The following SLC14A2 variants were observed in gnomAD, a reference collection of about 807,000 sequenced individuals.
The protein encoded by SLC14A2 is urea transporter 2.
Under a neutral mutation model 104.6 loss-of-function variants are expected in SLC14A2, and 91 were observed. The observed-to-expected ratio is 0.87, with a 90% confidence interval of 0.73 to 1.04. SLC14A2 has a LOEUF of 1.04. SLC14A2 is among the 50% of genes least tolerant of loss of function. The pLI is 0.00. For missense variants in SLC14A2, 1,189 were observed against 1,156.0 expected (o/e 1.03, Z -0.41); for synonymous variants, 476 against 466.4 (o/e 1.02, Z -0.27).
chr18:45,253,663 C>T (rs1392379828), intron 1 of SLC14A2, among the ~76,000 whole-genome samples: 1 of 152,088 alleles, frequency 6.6e-6, no homozygotes, highest in East Asian at 1.9e-4. Context: ...TATGAATATA[C>T]TTCCCTCTCC....
intron 1 of SLC14A2, among the ~76,000 whole-genome samples, chr18:45,473,912 A>G (rs1046541877): frequency 3.9e-5 from 6 of 152,116 alleles, no homozygotes; most frequent in Non-Finnish European, 8.8e-5. Flanking sequence ...TTCCAATACT[A>G]TGTTGAATAG....
intron 1 of SLC14A2, among the ~76,000 whole-genome samples, chr18:45,465,616 C>T (rs1470654320): frequency 6.6e-6 from 1 of 152,184 alleles, no homozygotes; most frequent in African/African-American, 2.4e-5. Flanking sequence ...TTCTCCTCCT[C>T]CCTTCCTCAG....
At chr18:45,390,062 G>C (rs550405544) in intron 1 of SLC14A2, among the ~76,000 whole-genome samples, 2 of 152,262 alleles carry the variant, frequency 1.3e-5, no homozygotes, top group South Asian at 4.1e-4. Context: ...TGGTATTTGG[G>C]GGAGAATTTG....
intron 1 of SLC14A2, among the ~76,000 whole-genome samples, chr18:45,315,725 A>C (rs1189114573): frequency 6.6e-6 from 1 of 151,894 alleles, no homozygotes; most frequent in Non-Finnish European, 1.5e-5. Flanking sequence ...TGGTCCACAA[A>C]CCCTCCACTA....
intron 1 of SLC14A2, among the ~76,000 whole-genome samples, chr18:45,481,989 T>C (rs2087502767): frequency 6.6e-6 from 1 of 152,180 alleles, no homozygotes; most frequent in Non-Finnish European, 1.5e-5. Context: ...GGTTTCTAAC[T>C]GGTTTTCATG....
chr18:45,506,916 T>C (rs1215916205), intron 2 of SLC14A2, among the ~76,000 whole-genome samples: 5 of 152,176 alleles, frequency 3.3e-5, no homozygotes, highest in African/African-American at 1.2e-4. Flanking sequence ...AGGACCTGAC[T>C]TTCCTCCCCT....
chr18:45,625,630 C>T (rs890720178), intron 2 of SLC14A2, 53 bp from the exon 3 acceptor site: 2 of 1,441,702 alleles, frequency 1.4e-6, no homozygotes, highest in Non-Finnish European at 9.3e-7. Flanking sequence ...CCCCAAATGT[C>T]CCTGCTCTCA....
At chr18:45,266,952 A>G (rs1402779835) in intron 1 of SLC14A2, among the ~76,000 whole-genome samples, 2 of 152,130 alleles carry the variant, frequency 1.3e-5, no homozygotes, top group African/African-American at 4.8e-5. Context: ...GGGCAGTGAC[A>G]CGTCTCCTCA....
intron 2 of SLC14A2, among the ~76,000 whole-genome samples, chr18:45,556,718 A>G (rs181192801): frequency 1.7e-4 from 26 of 152,332 alleles, no homozygotes; most frequent in Non-Finnish European, 3.2e-4. Flanking sequence ...TACAATTTAT[A>G]TTTATCTACC....
intron 2 of SLC14A2, among the ~76,000 whole-genome samples, chr18:45,577,204 G>T (rs1400000611): frequency 8.7e-6 from 1 of 114,430 alleles, no homozygotes; most frequent in African/African-American, 3.5e-5. Context: ...AGACATCAAA[G>T]CATCAAAATA....
chr18:45,590,070 C>T (rs1211725355), intron 2 of SLC14A2, among the ~76,000 whole-genome samples: 2 of 152,164 alleles, frequency 1.3e-5, no homozygotes, highest in African/African-American at 4.8e-5. Flanking sequence ...TGCTTCAGAG[C>T]GCATGAGACT....
intron 1 of SLC14A2, among the ~76,000 whole-genome samples, chr18:45,402,027 T>C (rs1044096646): frequency 1.3e-5 from 2 of 152,184 alleles, no homozygotes; most frequent in African/African-American, 4.8e-5. Context: ...AGTTGCTTTG[T>C]AAAATCTGCC....
chr18:45,621,993 G>A (rs1288073320), intron 1 of SLC14A2, among the ~76,000 whole-genome samples: 2 of 152,176 alleles, frequency 1.3e-5, no homozygotes, highest in Non-Finnish European at 2.9e-5. Flanking sequence ...ATGGGGCCTG[G>A]AGTCATGGAG....
At chr18:45,495,877 C>T (rs1447653542) in intron 2 of SLC14A2, among the ~76,000 whole-genome samples, 1 of 152,194 alleles carries the variant, frequency 6.6e-6, no homozygotes, top group Non-Finnish European at 1.5e-5. Flanking sequence ...AGACCAAGTG[C>T]TGCTATCCCA....
intron 1 of SLC14A2, among the ~76,000 whole-genome samples, chr18:45,434,428 C>T (rs777275237): frequency 1.3e-5 from 2 of 152,064 alleles, no homozygotes; most frequent in Non-Finnish European, 2.9e-5. Context: ...ACTAAAAAGG[C>T]TGGCAGTTTA....
chr18:45,180,490 A>G, the SLC14A2 span, among the ~76,000 whole-genome samples: 2 of 152,322 alleles, frequency 1.3e-5, no homozygotes, highest in East Asian at 3.9e-4. Flanking sequence ...TAGAATTAAA[A>G]CTGAATAATT....
At chr18:45,460,526 T>G (rs534194733) in intron 1 of SLC14A2, among the ~76,000 whole-genome samples, 1 of 152,252 alleles carries the variant, frequency 6.6e-6, no homozygotes, top group Non-Finnish European at 1.5e-5. Context: ...AAAATAGGGT[T>G]GGCAGGTCTG....
intron 1 of SLC14A2, among the ~76,000 whole-genome samples, chr18:45,377,449 A>C (rs1164098354): frequency 1.3e-5 from 2 of 152,140 alleles, no homozygotes; most frequent in Admixed American, 1.3e-4. Flanking sequence ...CCAACTGCCA[A>C]ATAAACTCTC....
chr18:45,279,289 A>G (rs978649284), intron 1 of SLC14A2, among the ~76,000 whole-genome samples: 4 of 152,228 alleles, frequency 2.6e-5, no homozygotes, highest in Non-Finnish European at 5.9e-5. Context: ...ATTTTCTAGC[A>G]AAAACAGGTC....
Sources: allele counts gnomAD v4.1 joint callset (sites outside exome capture counted in the v4.1 genomes callset), GRCh38; gene constraint gnomAD v4.1.1; transcripts MANE v1.5; gene names NCBI Gene and HGNC (gene_info 2026-07-23, HGNC 2026-07-21).